Variants in TPRG1 observed in about 807,000 individuals in gnomAD.
TPRG1 encodes the protein tumor protein p63-regulated gene 1 protein.
Under a neutral mutation model 29.3 loss-of-function variants are expected in TPRG1, and 29 were observed. The observed-to-expected ratio is 0.99, with a 90% confidence interval of 0.74 to 1.35. The LOEUF (loss-of-function observed/expected upper bound fraction) is 1.35, where lower values mean the gene tolerates loss of function less well. TPRG1 is among the 40% of genes most tolerant of loss of function. TPRG1 has a pLI of 0.00. For synonymous variants in TPRG1, 130 were observed against 116.8 expected (o/e 1.11, Z -0.73); for missense variants, 327 against 335.0 (o/e 0.98, Z 0.19).
At chr3:189,009,756 G>A (rs948278273) in intron 3 of TPRG1, among the ~76,000 whole-genome samples, 5 of 150,866 alleles carry the variant, frequency 3.3e-5, no homozygotes, top group South Asian at 2.1e-4. Flanking sequence ...TCAGGTGGTC[G>A]ACACCCAGGT....
chr3:189,235,267 G>A (rs1178163027), intron 3 of TPRG1, among the ~76,000 whole-genome samples: 1 of 148,006 alleles, frequency 6.8e-6, no homozygotes, highest in African/African-American at 2.5e-5. Flanking sequence ...TAGGGTGAAG[G>A]GATTGGAAGG....
chr3:189,127,030 C>T (rs575656603), intron 1 of TPRG1: 10 of 152,254 alleles, frequency 6.6e-5, no homozygotes, highest in African/African-American at 2.4e-4. Context: ...TCAGTAATTA[C>T]AAATCTGCAT....
intron 4 of TPRG1, among the ~76,000 whole-genome samples, chr3:189,075,498 T>C (rs1349205059): frequency 6.6e-6 from 1 of 152,214 alleles, no homozygotes; most frequent in African/African-American, 2.4e-5. Context: ...TTATGAGTTT[T>C]AGAATTTGAG....
At chr3:189,311,474 T>C (rs545012886) in intron 5 of TPRG1, among the ~76,000 whole-genome samples, 2 of 152,296 alleles carry the variant, frequency 1.3e-5, no homozygotes, top group East Asian at 1.9e-4. Context: ...TGTAAATATA[T>C]ATGTATGTGT....
intron 5 of TPRG1, among the ~76,000 whole-genome samples, chr3:189,158,538 G>A (rs1219663520): frequency 6.6e-6 from 1 of 152,088 alleles, no homozygotes. Flanking sequence ...GAACCCGGGA[G>A]GCTGAGGCTG....
chr3:189,201,709 G>A (rs1733520946), intron 1 of TPRG1, among the ~76,000 whole-genome samples: 1 of 152,076 alleles, frequency 6.6e-6, no homozygotes. Flanking sequence ...GAGTGCAGTA[G>A]TGTGATCTCA....
intron 4 of TPRG1, among the ~76,000 whole-genome samples, chr3:189,299,093 A>C (rs1013389066): frequency 6.8e-6 from 1 of 147,258 alleles, no homozygotes; most frequent in African/African-American, 2.5e-5. Flanking sequence ...TTTTTTACTT[A>C]GTTATTCTGT....
chr3:189,238,665 A>G, intron 3 of TPRG1, 68 bp from the exon 4 acceptor site: 1 of 1,335,098 alleles, frequency 7.5e-7, no homozygotes, highest in Non-Finnish European at 1.0e-6. Context: ...GCTAGGAGAG[A>G]TGTGAAGGTC....
chr3:189,030,289 T>C (rs1713865345), intron 4 of TPRG1, among the ~76,000 whole-genome samples: 1 of 152,190 alleles, frequency 6.6e-6, no homozygotes, highest in South Asian at 2.1e-4. Flanking sequence ...TTTGCCAGAA[T>C]TAGCAAAAGA....
chr3:189,120,477 T>G (rs1721701364), intron 1 of TPRG1: 2 of 152,198 alleles, frequency 1.3e-5, no homozygotes, highest in African/African-American at 2.4e-5. Context: ...GAGTCTGGCA[T>G]ACTGGAAAGG....
At chr3:189,213,427 TA>T (rs1170642667) in intron 2 of TPRG1, among the ~76,000 whole-genome samples, 6 of 152,162 alleles carry the variant, frequency 3.9e-5, no homozygotes, top group South Asian at 4.1e-4. Flanking sequence ...AATAGTAAGA[TA>T]GGGGAGAGTA....
At chr3:189,018,899 T>A (rs1267202327) in intron 3 of TPRG1, among the ~76,000 whole-genome samples, 1 of 150,926 alleles carries the variant, frequency 6.6e-6, no homozygotes, top group Non-Finnish European at 1.5e-5. Context: ...TATCCTCTTT[T>A]ATTTCCTTGA....
chr3:189,247,201 TC>T (rs1741496374), intron 4 of TPRG1, among the ~76,000 whole-genome samples: 1 of 152,072 alleles, frequency 6.6e-6, no homozygotes, highest in South Asian at 2.1e-4. Context: ...CGTTTATCTA[TC>T]TTTATGTTCA....
chr3:189,214,898 T>C (rs1455363840), intron 2 of TPRG1, among the ~76,000 whole-genome samples: 1 of 151,670 alleles, frequency 6.6e-6, no homozygotes, highest in Non-Finnish European at 1.5e-5. Context: ...TGTCAGAGCA[T>C]TGGAAGAAGG....
At chr3:189,239,066 T>TAGTTTA in intron 4 of TPRG1, 157 bp downstream of exon 4, 1 of 566,198 alleles carries the variant, frequency 1.8e-6, no homozygotes, top group Non-Finnish European at 3.0e-6. Context: ...GTTCCTACTC[T>TAGTTTA]ATGTCAGCCT....
At chr3:189,140,584 G>A (rs1207576647) in intron 3 of TPRG1, among the ~76,000 whole-genome samples, 4 of 152,116 alleles carry the variant, frequency 2.6e-5, no homozygotes, top group Non-Finnish European at 4.4e-5. Context: ...CACCCCGCTG[G>A]TGTCCAGAAG....
chr3:189,259,931 A>C (rs373303533), intron 4 of TPRG1, among the ~76,000 whole-genome samples: 1 of 152,248 alleles, frequency 6.6e-6, no homozygotes, highest in East Asian at 1.9e-4. Flanking sequence ...CCTAATTCTT[A>C]CTTGTTCTCA....
chr3:189,207,028 G>T (rs1319591587), intron 1 of TPRG1: 1 of 243,678 alleles, frequency 4.1e-6, no homozygotes, highest in Non-Finnish European at 6.6e-6. Flanking sequence ...TTGCAGTCTG[G>T]TGAATTTTCA....
intron 4 of TPRG1, among the ~76,000 whole-genome samples, chr3:189,078,093 C>A (rs1310087481): frequency 3.5e-5 from 1 of 28,792 alleles, no homozygotes; most frequent in African/African-American, 5.8e-5. Flanking sequence ...CTCTTTCTCT[C>A]TTTCTTTCTT....
Sources: gnomAD v4.1 joint callset for allele counts (sites outside exome capture counted in the v4.1 genomes callset) on GRCh38, gnomAD v4.1.1 for gene constraint, MANE v1.5 for transcripts, NCBI Gene and HGNC (gene_info 2026-07-23, HGNC 2026-07-21) for gene names.